The following LIMCH1 variants were observed in gnomAD, a reference collection of about 807,000 sequenced individuals.
The protein encoded by LIMCH1 is LIM and calponin homology domains 1.
Under a neutral mutation model 176.5 loss-of-function variants are expected in LIMCH1, and 113 were observed. The observed-to-expected ratio is 0.64, with a 90% CI of 0.55 to 0.75. The LOEUF (loss-of-function observed/expected upper bound fraction) is 0.75, where lower values mean the gene tolerates loss of function less well. LIMCH1 is among the 30% of genes least tolerant of loss of function. The pLI, the probability that LIMCH1 is intolerant of heterozygous loss-of-function variation, is 0.00. For synonymous variants in LIMCH1, 619 were observed against 645.9 expected (o/e 0.96, Z 0.63); for missense variants, 1,674 against 1,814.9 (o/e 0.92, Z 1.41).
intron 5 of LIMCH1, 38 bp downstream of exon 5, chr4:41,613,699 T>C (rs2091737851): frequency 6.3e-7 from 1 of 1,577,940 alleles, no homozygotes. Context: ...ATCTTGAAAT[T>C]AAACATTTGC....
chr4:41,421,346 C>G (rs781654303), intron 1 of LIMCH1, among the ~76,000 whole-genome samples: 1 of 152,144 alleles, frequency 6.6e-6, no homozygotes, highest in African/African-American at 2.4e-5. Context: ...GAGGTCAGAT[C>G]GCTGATTCAG....
chr4:41,442,265 C>T (rs1022514111), intron 1 of LIMCH1, among the ~76,000 whole-genome samples: 1 of 152,016 alleles, frequency 6.6e-6, no homozygotes, highest in Non-Finnish European at 1.5e-5. Flanking sequence ...ATGTTACTGC[C>T]TTCCAGCCTG....
chr4:41,430,049 G>A (rs2061457688), intron 1 of LIMCH1, among the ~76,000 whole-genome samples: 1 of 152,124 alleles, frequency 6.6e-6, no homozygotes, highest in African/African-American at 2.4e-5. Flanking sequence ...AAGGAGAATT[G>A]GAAATATTTG....
Position 41,629,508 on chromosome 4 carries a change from G to A in LIMCH1, c.1045G>A (p.Glu349Lys), listed in dbSNP as rs1232760288. The change falls in exon 9 of 32, where the codon GAA becomes AAA. Residue 349 changes from glutamate (E) to lysine (K), a missense_variant. Around this residue, in one of 3 missense-constraint regions of LIMCH1, gnomAD observed 655 missense variants for 692.2 expected, o/e 0.95. Transcript: ENST00000503057. ...AATGGACAGAAACCAGGGCCACACA[G>A]AAGAGGTGAAGTTGATAGTGACCTG... The part of the protein sequence containing the change: ...LEYKRNQGHT[E>K]EVKLIVTCNM... 6.5e-7 allele frequency: 1 copy of A among 1,536,080 alleles called. No homozygotes were observed. The highest frequency in any genetic ancestry group is 8.7e-7 in the Non-Finnish European group (1 of 1,146,904).
At chr4:41,673,392 C>T (rs1210406994) in intron 22 of LIMCH1, among the ~76,000 whole-genome samples, 1 of 152,182 alleles carries the variant, frequency 6.6e-6, no homozygotes, top group Non-Finnish European at 1.5e-5. Flanking sequence ...CAAAGAAACA[C>T]ATTCGCATTT....
At chr4:41,671,691 G>A (rs1022020949) in intron 22 of LIMCH1, 97 bp downstream of exon 22, 9 of 926,178 alleles carry the variant, frequency 9.7e-6, no homozygotes, top group East Asian at 2.5e-5. Context: ...GGGTGCAGGC[G>A]GTGGCTCACG....
intron 5 of LIMCH1, among the ~76,000 whole-genome samples, chr4:41,618,285 C>G (rs2092295696): frequency 6.6e-6 from 1 of 152,118 alleles, no homozygotes; most frequent in African/African-American, 2.4e-5. Context: ...TCCTAGAAAT[C>G]TAATAAGATG....
chr4:41,485,503 C>T (rs2069358358), intron 1 of LIMCH1, among the ~76,000 whole-genome samples: 1 of 152,170 alleles, frequency 6.6e-6, no homozygotes, highest in Admixed American at 6.5e-5. Context: ...GAAAGGCACA[C>T]AGGGCATAGT....
In LIMCH1 at chr4:41,646,823, C is replaced by T. The variant is rs1562068357; in HGVS notation, c.2750C>T (p.Ala917Val). 6.2e-7 allele frequency: 1 copy of T among 1,614,172 alleles called. No homozygotes were observed. The highest frequency in any genetic ancestry group is 8.5e-7 in the Non-Finnish European group (1 of 1,180,016). Residue 917 changes from alanine (A) to valine (V), a missense_variant, in exon 17 of 32, where the codon GCA becomes GTA. Transcript: ENST00000503057. The part of the protein sequence containing the change: ...GSPSKTVTPK[A>V]VPMLTPKPYS... ...CCAAGCAAAACTGTCACTCCCAAAG[C>T]AGTGCCTATGCTGACACCCAAGCCT...
chr4:41,512,728 G>C (rs963474688), intron 2 of LIMCH1, among the ~76,000 whole-genome samples: 1 of 152,168 alleles, frequency 6.6e-6, no homozygotes, highest in Admixed American at 6.5e-5. Flanking sequence ...GCAAATTAGT[G>C]GTTGTTTGGG....
At chr4:41,382,297 G>A (rs1365293994) in intron 1 of LIMCH1, among the ~76,000 whole-genome samples, 3 of 151,914 alleles carry the variant, frequency 2.0e-5, no homozygotes, top group Non-Finnish European at 4.4e-5. Flanking sequence ...TTGGGTTAGT[G>A]TGAAGTACAG....
At chr4:41,671,744 C>CTT in intron 22 of LIMCH1, 150 bp downstream of exon 22, 1 of 617,216 alleles carries the variant, frequency 1.6e-6, no homozygotes, top group Non-Finnish European at 2.9e-6. Context: ...GGGTGGATCA[C>CTT]GAGGTCAGGT....
chr4:41,669,495 C>T (rs2094942187), intron 21 of LIMCH1, among the ~76,000 whole-genome samples: 1 of 152,148 alleles, frequency 6.6e-6, no homozygotes, highest in Non-Finnish European at 1.5e-5. Flanking sequence ...AGCCCACTCT[C>T]ACAGTGTCTC....
intron 1 of LIMCH1, among the ~76,000 whole-genome samples, chr4:41,363,279 G>A (rs1002921357): frequency 1.3e-5 from 2 of 152,244 alleles, no homozygotes; most frequent in Admixed American, 6.5e-5. Context: ...GTGAATCCCC[G>A]GGTGGGGGGG....
intron 18 of LIMCH1, among the ~76,000 whole-genome samples, chr4:41,653,890 G>T (rs2094386453): frequency 6.6e-6 from 1 of 152,206 alleles, no homozygotes; most frequent in Non-Finnish European, 1.5e-5. Flanking sequence ...AAAATGCTTT[G>T]TCTGTACCTC....
chr4:41,663,851 C>CT (rs1378866821), intron 20 of LIMCH1, among the ~76,000 whole-genome samples: 3 of 45,272 alleles, frequency 6.6e-5, no homozygotes, highest in Non-Finnish European at 1.3e-4. Flanking sequence ...GTCTTCATCT[C>CT]TAAAAAAAAA....
At chr4:41,367,313 C>T (rs954132260) in intron 1 of LIMCH1, among the ~76,000 whole-genome samples, 2 of 152,094 alleles carry the variant, frequency 1.3e-5, no homozygotes, top group South Asian at 2.1e-4. Flanking sequence ...ATACCTTTTC[C>T]CACTGTCAGC....
In LIMCH1 at chr4:41,682,470, C is replaced by T. The variant is rs1716765479; in HGVS notation, c.3845+10C>T. The stretch of plus-strand genomic sequence containing the variant: ...TGGAGGAGAAGGGCAGGTATGAGCC[C>T]ATCCCAAGCCACCATGAAAATGTAC... On this transcript the variant is annotated intron_variant, in intron 26 of 31. Coordinates refer to ENST00000503057, the MANE Select transcript of LIMCH1 (RefSeq NM_001330672.2). 6.2e-7 allele frequency: 1 copy of T among 1,609,262 alleles called. No homozygotes were observed. Among genetic ancestry groups the T allele is most frequent in the Non-Finnish European group, 8.5e-7 (1 of 1,177,884 alleles).
chr4:41,665,728 A>G (rs1585579212), intron 20 of LIMCH1, among the ~76,000 whole-genome samples: 1 of 152,308 alleles, frequency 6.6e-6, no homozygotes, highest in East Asian at 1.9e-4. Context: ...AGTGTCAACC[A>G]ATGCTTATTT....
Sources: gnomAD v4.1 joint callset for allele counts (sites outside exome capture counted in the v4.1 genomes callset) on GRCh38, gnomAD v4.1.1 for gene constraint, gnomAD v4.1.1 regional missense constraint, MANE v1.5 for transcripts, NCBI Gene and HGNC (gene_info 2026-07-23, HGNC 2026-07-21) for gene names.